Variants in ME2 observed in about 807,000 individuals in gnomAD.
ME2 encodes the protein malic enzyme 2.
Under a neutral mutation model 73.7 loss-of-function variants are expected in ME2, and 60 were observed. That is an observed-to-expected ratio of 0.81 (90% CI 0.66 to 1.01). The LOEUF (loss-of-function observed/expected upper bound fraction) is 1.01, where lower values mean the gene tolerates loss of function less well. ME2 is among the 50% of genes least tolerant of loss of function. ME2 has a pLI of 0.00. For synonymous variants in ME2, 199 were observed against 236.9 expected (o/e 0.84, Z 1.47); for missense variants, 594 against 705.5 (o/e 0.84, Z 1.79).
Position 50,949,841 on chromosome 18 carries a change from A to G in ME2, c.*2657A>G, listed in dbSNP as rs997407975. 6.6e-6 allele frequency: 1 copy of G among 152,228 alleles called. No individual in the cohort carries two copies. The highest frequency in any genetic ancestry group is 2.4e-5 in the African/African-American group (1 of 41,442). The allele number at this position is 152,228 out of a possible 1,614,324, so 9.4% of individuals were successfully genotyped here. On this transcript the variant is annotated 3_prime_UTR_variant, in exon 16 of 16. Transcript: ENST00000321341. ...TTTACCAGTCAATCTTTCAACAAGT[A>G]TCAATTATTGGATGTAAATTAAAGT... is the stretch of plus-strand genomic sequence containing the variant.
In ME2 at chr18:50,908,120, C is replaced by T. The variant is rs764174019; in HGVS notation, c.166C>T (p.Pro56Ser). 1.9e-6 allele frequency: 3 copies of T among 1,605,254 alleles called. No homozygotes were observed. Among genetic ancestry groups the T allele is most frequent in the Non-Finnish European group, 2.6e-6 (3 of 1,174,618 alleles). ...QMLGLQGLLP[P>S]KIETQDIQAL... ...GCTTGGTCTTCAAGGACTTCTACCT[C>T]CCAAAATAGAGACACAAGATATTCA... Residue 56 changes from proline to serine, a missense_variant, in exon 3 of 16, where the codon CCC becomes TCC. Physicochemically the swap from Pro to Ser is moderately conservative, Grantham distance 74. Transcript: ENST00000321341.
intron 13 of ME2, among the ~76,000 whole-genome samples, chr18:50,937,172 AAAACT>A: frequency 6.6e-6 from 1 of 152,130 alleles, no homozygotes; most frequent in Non-Finnish European, 1.5e-5. Context: ...TGAAAAAAAA[AAAACT>A]AAAAGTAAAA....
chr18:50,933,375 C>T (rs1223070155), intron 13 of ME2: 3 of 152,164 alleles, frequency 2.0e-5, no homozygotes, highest in Non-Finnish European at 4.4e-5. Flanking sequence ...TATAGGCTGG[C>T]ATCAGGCAAG....
rs1014436230 is a variant in ME2 at position 50,953,645 on chromosome 18, G to A, written c.*6461G>A. 1.3e-5 allele frequency: 2 copies of A among 152,092 alleles called. No homozygotes were observed. The highest frequency in any genetic ancestry group is 6.6e-5 in the Admixed American group (1 of 15,262). 9.4% of individuals were successfully genotyped at this position (152,092 alleles called of 1,614,324 possible). Reference sequence around the variant, plus strand: ...ACTTCTGTGCAAATAAATTTCAGTTGTGCTTATATATTATAATATTCACTT... The same window carrying A: ...ACTTCTGTGCAAATAAATTTCAGTTATGCTTATATATTATAATATTCACTT... On this transcript the variant is annotated 3_prime_UTR_variant, in exon 16 of 16. Transcript: ENST00000321341.
intron 1 of ME2, among the ~76,000 whole-genome samples, chr18:50,881,121 C>T (rs929839162): frequency 1.3e-5 from 2 of 152,172 alleles, no homozygotes; most frequent in African/African-American, 4.8e-5. Context: ...TTCTGCCTTC[C>T]GCGTTCAAGC....
intron 15 of ME2, 69 bp downstream of exon 15, chr18:50,940,455 A>G: frequency 9.4e-7 from 1 of 1,067,490 alleles, no homozygotes; most frequent in East Asian, 2.5e-5. Flanking sequence ...ATACAGGTTT[A>G]TTAAGATAAA....
Position 50,913,811 on chromosome 18 carries a change from A to G in ME2, c.392+861A>G, listed in dbSNP as rs17743501. On this transcript the variant is annotated intron_variant, in intron 4 of 15. Transcript: ENST00000321341. ...GAATAGCAGGACCTATCAAAGAGCT[A>G]TTGGAGAAACCAATGTGACAGTTCT... Among the ~76,000 whole-genome samples, 723 of 149,932 alleles carry G rather than the reference A, an allele frequency of 4.8e-3. 10 individuals carry two copies. In the East Asian group the frequency reaches 0.066, roughly 14 times the overall value.
chr18:50,885,082 C>G (rs751638466), intron 1 of ME2, among the ~76,000 whole-genome samples: 4 of 151,840 alleles, frequency 2.6e-5, no homozygotes, highest in Non-Finnish European at 5.9e-5. Context: ...TCCCGAACTC[C>G]TGGTCTCAGG....
At chr18:50,893,651 C>T (rs1916663659) in intron 1 of ME2, among the ~76,000 whole-genome samples, 2 of 152,192 alleles carry the variant, frequency 1.3e-5, no homozygotes, top group Admixed American at 6.5e-5. Flanking sequence ...GGTCTCAAAT[C>T]TCCTACGTGT....
intron 3 of ME2, among the ~76,000 whole-genome samples, chr18:50,910,463 A>G (rs1432911654): frequency 6.6e-6 from 1 of 151,176 alleles, no homozygotes; most frequent in Non-Finnish European, 1.5e-5. Flanking sequence ...AAAAAGAAAA[A>G]GGCTAAACAA....
intron 1 of ME2, among the ~76,000 whole-genome samples, chr18:50,891,028 A>T (rs1342425799): frequency 6.6e-6 from 1 of 152,184 alleles, no homozygotes; most frequent in Non-Finnish European, 1.5e-5. Flanking sequence ...TGCAGAATTT[A>T]AAGGCTCAAA....
intron 1 of ME2, among the ~76,000 whole-genome samples, chr18:50,893,121 T>A (rs1916643591): frequency 1.8e-5 from 1 of 56,936 alleles, no homozygotes; most frequent in Admixed American, 3.3e-4. Flanking sequence ...TAAGACTCTA[T>A]CTCAAAAAAA....
chr18:50,901,390 CTTATA>C (rs1217949049), intron 2 of ME2, among the ~76,000 whole-genome samples: 4 of 151,990 alleles, frequency 2.6e-5, no homozygotes, highest in Non-Finnish European at 4.4e-5. Flanking sequence ...CAGGATATGT[CTTATA>C]TTAGATTGTA....
At chr18:50,943,488 C>T (rs1244564319) in intron 15 of ME2, among the ~76,000 whole-genome samples, 1 of 151,944 alleles carries the variant, frequency 6.6e-6, no homozygotes, top group African/African-American at 2.4e-5. Context: ...ATTTTTGGTA[C>T]AGATGGGGGT....
intron 12 of ME2, among the ~76,000 whole-genome samples, chr18:50,928,596 T>A (rs1339248030): frequency 6.6e-6 from 1 of 152,190 alleles, no homozygotes; most frequent in East Asian, 1.9e-4. Flanking sequence ...ATAGCAATAA[T>A]TTAAGGCTGT....
At chr18:50,929,161 CTT>C (rs111985773) in intron 12 of ME2, among the ~76,000 whole-genome samples, 13 of 143,082 alleles carry the variant, frequency 9.1e-5, no homozygotes, top group South Asian at 4.4e-4. Flanking sequence ...ATTTGGCATT[CTT>C]TTTTTTTTTT....
At chr18:50,932,464 G>A in intron 13 of ME2, 104 bp downstream of exon 13, 2 of 749,018 alleles carry the variant, frequency 2.7e-6, no homozygotes, top group Non-Finnish European at 4.1e-6. Flanking sequence ...CAGTATTACA[G>A]AATTTTGGTA....
At chr18:50,940,411 A>G (rs1438473341) in intron 15 of ME2, 25 bp downstream of exon 15, 1 of 1,336,394 alleles carries the variant, frequency 7.5e-7, no homozygotes. Flanking sequence ...AAACTTCTTC[A>G]CATTAATTTT....
At chr18:50,891,053 C>G (rs1309755727) in intron 1 of ME2, among the ~76,000 whole-genome samples, 2 of 152,158 alleles carry the variant, frequency 1.3e-5, no homozygotes, top group African/African-American at 4.8e-5. Flanking sequence ...AAAACATAAG[C>G]TCAGACAAAT....
Sources: gnomAD v4.1 joint callset for allele counts (sites outside exome capture counted in the v4.1 genomes callset) on GRCh38, gnomAD v4.1.1 for gene constraint, MANE v1.5 for transcripts, NCBI Gene and HGNC (gene_info 2026-07-23, HGNC 2026-07-21) for gene names.